The following PEX13 variants were observed in gnomAD, a reference collection of about 807,000 sequenced individuals.
PEX13 encodes the protein peroxisomal biogenesis factor 13, also known as peroxisome biogenesis factor 13.
PEX13 carries 28 observed loss-of-function variants against 34.5 expected under a neutral mutation model. The observed-to-expected ratio is 0.81, with a 90% CI of 0.60 to 1.11. The LOEUF (loss-of-function observed/expected upper bound fraction) is 1.11. Among genes scored for constraint, PEX13 ranks in the 50% most tolerant of loss-of-function variants. The pLI is 0.00. For missense variants in PEX13, 550 were observed against 491.0 expected (o/e 1.12, Z -1.13); for synonymous variants, 177 against 175.1 (o/e 1.01, Z -0.09).
intron 2 of PEX13, among the ~76,000 whole-genome samples, chr2:61,040,487 C>G (rs189157332): frequency 6.6e-6 from 1 of 151,988 alleles, no homozygotes; most frequent in Non-Finnish European, 1.5e-5. Flanking sequence ...ATCATAAGGA[C>G]AGAAAACCAA....
At chr2:61,048,309 G>T (rs1159130800) in intron 3 of PEX13, among the ~76,000 whole-genome samples, 163 bp from the exon 4 acceptor site, 10 of 152,182 alleles carry the variant, frequency 6.6e-5, no homozygotes, top group Non-Finnish European at 8.8e-5. Flanking sequence ...CCCTAGAACT[G>T]TTAAGCCTAC....
intron 1 of PEX13, 101 bp downstream of exon 1, chr2:61,017,952 C>T: frequency 7.2e-7 from 1 of 1,379,348 alleles, no homozygotes; most frequent in Non-Finnish European, 1.0e-6. Flanking sequence ...CCCTTCCCCC[C>T]TTTAACCAAT....
In PEX13 at chr2:61,017,745, G is replaced by A. The variant is rs749814678; in HGVS notation, c.-15G>A. The A allele has an allele frequency of 1.8e-5, 28 of 1,547,598 alleles. No homozygotes were observed. Among genetic ancestry groups the A allele is most frequent in the South Asian group, 3.6e-5 (3 of 83,864 alleles). ...AGTCAGGGGTAGGAGCGGGAGCCGA[G>A]AGGAGGCGGAGGAGATGGCGTCCCA... On this transcript the variant is annotated 5_prime_UTR_variant, in exon 1 of 4. Coordinates refer to ENST00000295030, the MANE Select transcript of PEX13 (RefSeq NM_002618.4).
Position 61,031,944 on chromosome 2 carries a change from G to A in PEX13, c.618G>A (p.Glu206=), listed in dbSNP as rs1680458661. ...TGTTAGGTTTAAGAAGAGGCTCTGAGAATGAAGACCTCTGGGCAGAGAGTG... is the reference window on the plus strand; with the variant it reads ...TGTTAGGTTTAAGAAGAGGCTCTGAAAATGAAGACCTCTGGGCAGAGAGTG... ...QRMLGLRRGS[E]NEDLWAESEG... Residue 206 remains glutamate, a synonymous_variant, in exon 2 of 4, where the codon GAG becomes GAA. Coordinates refer to ENST00000295030, the MANE Select transcript of PEX13 (RefSeq NM_002618.4). The A allele has an allele frequency of 6.2e-7, 1 of 1,614,082 alleles. No individual in the cohort carries two copies. Among genetic ancestry groups the A allele is most frequent in the Non-Finnish European group, 8.5e-7 (1 of 1,180,024 alleles).
intron 1 of PEX13, among the ~76,000 whole-genome samples, chr2:61,027,176 GA>G (rs1032047207): frequency 0.033 from 3,179 of 95,046 alleles, 91 homozygotes; most frequent in African/African-American, 0.1. Context: ...ATATCAAAAA[GA>G]AAAAAAAAAA....
rs1680695630 is a variant in PEX13 at position 61,045,742 on chromosome 2, A to T, written c.804A>T (p.Ala268=). The part of the protein sequence containing the change: ...SDEVTDSINW[A]SGEDDHVVAR... Reference sequence around the variant, plus strand: ...GGCTTATAGACAGCATCAACTGGGCAAGTGGTGAGGATGACCATGTAGTTG... The same window carrying T: ...GGCTTATAGACAGCATCAACTGGGCTAGTGGTGAGGATGACCATGTAGTTG... The change falls in exon 3 of 4, where the codon GCA becomes GCT. Residue 268 remains alanine (A), a synonymous_variant. Transcript: ENST00000295030. The T allele has an allele frequency of 1.2e-6, 2 of 1,613,516 alleles. No individual in the cohort carries two copies. Among genetic ancestry groups the T allele is most frequent in the Non-Finnish European group, 1.7e-6 (2 of 1,179,450 alleles).
At chr2:61,025,035 T>C (rs1362634732) in intron 1 of PEX13, among the ~76,000 whole-genome samples, 1 of 152,132 alleles carries the variant, frequency 6.6e-6, no homozygotes, top group East Asian at 1.9e-4. Flanking sequence ...AGATCCCCTT[T>C]GGAGCTCTTT....
intron 1 of PEX13, among the ~76,000 whole-genome samples, chr2:61,023,642 C>T (rs548195470): frequency 1.3e-5 from 2 of 151,824 alleles, no homozygotes; most frequent in East Asian, 3.9e-4. Context: ...GTGATTTGGA[C>T]TATTAAGACA....
In PEX13 at chr2:61,050,162, G is replaced by C. The variant is rs1212397994; in HGVS notation, c.*1392G>C. 6.6e-6 allele frequency: 1 copy of C among 152,218 alleles called. No individual in the cohort carries two copies. Among genetic ancestry groups the C allele is most frequent in the Admixed American group, 6.6e-5 (1 of 15,258 alleles). The allele number at this position is 152,218 out of a possible 1,614,324, so 9.4% of individuals were successfully genotyped here. A position where few individuals can be genotyped will look rare whatever the true frequency, so the allele number is the denominator to read the frequency against. On this transcript the variant is annotated 3_prime_UTR_variant, in exon 4 of 4. Coordinates refer to ENST00000295030, the MANE Select transcript of PEX13 (RefSeq NM_002618.4). ...AGGCCAAGGCGGGCGGATCACCTGC[G>C]GTCAGGAGTTTGAGACCAGCCTGGC...
intron 1 of PEX13, among the ~76,000 whole-genome samples, chr2:61,025,175 TCTC>T (rs1434836262): frequency 2.6e-5 from 4 of 151,374 alleles, no homozygotes; most frequent in South Asian, 2.1e-4. Context: ...TTCAAGCAAT[TCTC>T]CTGCCTGAGC....
rs145786236 is a variant in PEX13 at position 61,042,063 on chromosome 2, A to G, written c.788-3663A>G. On this transcript the variant is annotated intron_variant, in intron 2 of 3. Coordinates refer to ENST00000295030, the MANE Select transcript of PEX13 (RefSeq NM_002618.4). ...AAATCTGGCCTGCTCCTATTTTTGT[A>G]CAGCTCACAAGCTAAAAATGGTTTT... Among the ~76,000 whole-genome samples, 259 of 152,350 alleles carry G rather than the reference A, an allele frequency of 1.7e-3. 2 individuals are homozygous for G. Among genetic ancestry groups the G allele is most frequent in the South Asian group, 0.014 (69 of 4,828 alleles).
At chr2:61,031,325 C>T in intron 1 of PEX13, 94 bp from the exon 2 acceptor site, 1 of 898,600 alleles carries the variant, frequency 1.1e-6, no homozygotes, top group Non-Finnish European at 1.8e-6. Flanking sequence ...TAGAATTTGT[C>T]ATAGCACCAG....
intron 2 of PEX13, among the ~76,000 whole-genome samples, chr2:61,041,355 T>G (rs908891921): frequency 6.6e-6 from 1 of 151,904 alleles, no homozygotes; most frequent in African/African-American, 2.4e-5. Context: ...AGAACTAATA[T>G]AAGTGAATGA....
At chr2:61,020,252 T>C (rs555570763) in intron 1 of PEX13, among the ~76,000 whole-genome samples, 26 of 152,268 alleles carry the variant, frequency 1.7e-4, no homozygotes, top group Non-Finnish European at 2.8e-4. Context: ...AAAAAACTTA[T>C]AATTACCTCC....
intron 2 of PEX13, among the ~76,000 whole-genome samples, chr2:61,041,798 G>A (rs906653908): frequency 4.6e-5 from 7 of 152,198 alleles, no homozygotes. Context: ...AGTCAGTAGA[G>A]AAGGAGCAGT....
chr2:61,019,435 C>T (rs1041451261), intron 1 of PEX13, among the ~76,000 whole-genome samples: 2 of 152,030 alleles, frequency 1.3e-5, no homozygotes, highest in Non-Finnish European at 2.9e-5. Context: ...GATTTTAATA[C>T]AGCCAAAATT....
chr2:61,017,968 A>G (rs1278474174), intron 1 of PEX13, 117 bp downstream of exon 1: 35 of 1,330,544 alleles, frequency 2.6e-5, no homozygotes, highest in Middle Eastern at 1.8e-4. Flanking sequence ...CCAATACCCA[A>G]CCTTGGGGAT....
rs1157318919 is a variant in PEX13, at chr2:61,042,495, TTAGA to T, written c.788-3227_788-3224del. Among the ~76,000 whole-genome samples the T allele has an allele frequency of 1.8e-4, 28 of 152,250 alleles. No individual in the cohort carries two copies. In the East Asian group the frequency reaches 5.0e-3, roughly 27 times the overall value. On this transcript the variant is annotated intron_variant, in intron 2 of 3. Coordinates refer to ENST00000295030, the MANE Select transcript of PEX13 (RefSeq NM_002618.4). ...TAGTATGAATTATTTCGTTATTGAATTAGATAGTAAAAAAAACTGTATTTATTAT... is the reference window on the plus strand; with the variant it reads ...TAGTATGAATTATTTCGTTATTGAATTAGTAAAAAAAACTGTATTTATTAT...
chr2:61,036,675 C>T (rs1003797302), intron 2 of PEX13, among the ~76,000 whole-genome samples: 2 of 152,130 alleles, frequency 1.3e-5, no homozygotes, highest in Admixed American at 1.3e-4. Flanking sequence ...AAAAACATGC[C>T]AAATTGTAAA....
Sources: gnomAD v4.1 joint callset for allele counts (sites outside exome capture counted in the v4.1 genomes callset) on GRCh38, gnomAD v4.1.1 for gene constraint, MANE v1.5 for transcripts, NCBI Gene and HGNC (gene_info 2026-07-23, HGNC 2026-07-21) for gene names.